The following F8 variants were observed in gnomAD, a reference collection of about 807,000 sequenced individuals.
F8 encodes the protein coagulation factor VIII, also known as antihemophilic factor.
In F8, 12 loss-of-function variants were observed where a neutral mutation model predicts 140.6. That is an observed-to-expected ratio of 0.09 (90% CI 0.05 to 0.14). The LOEUF (loss-of-function observed/expected upper bound fraction) is 0.14. F8 is among the 10% of genes least tolerant of loss of function. F8 has a pLI of 1.00. For missense variants in F8, 1,354 were observed against 1,720.7 expected, an observed-to-expected ratio of 0.79 and a Z score of 3.77; for synonymous variants, 585 against 614.6, an observed-to-expected ratio of 0.95 and a Z score of 0.71.
Position 154,912,934 on chromosome X carries a change from A to G in F8, c.5220-6361T>C, listed in dbSNP as rs1395526970. 5.4e-5 allele frequency among the ~76,000 whole-genome samples: 6 copies of G among 110,724 alleles called. No individual in the cohort carries two copies. In the East Asian group the frequency reaches 1.7e-3, roughly 32 times the overall value. ...ATCTCATGAAAACTTACTCACTGTC[A>G]TGAGAACAGCATGGGGGAACCTGCC... On this transcript the variant is annotated intron_variant, in intron 14 of 25. Coordinates refer to ENST00000360256, the MANE Select transcript of F8 (RefSeq NM_000132.4).
intron 12 of F8, among the ~76,000 whole-genome samples, chrX:154,952,855 T>C (rs1261440045): frequency 1.8e-5 from 2 of 112,245 alleles, no homozygotes; most frequent in Admixed American, 1.9e-4. Flanking sequence ...TCAGGATTTT[T>C]AGTTGCATCC....
chrX:154,842,200 T>C (rs1557271383), intron 25 of F8, among the ~76,000 whole-genome samples: 1 of 111,849 alleles, frequency 8.9e-6, no homozygotes, highest in Non-Finnish European at 1.9e-5. Context: ...TCTTTATTGA[T>C]GTCCAGTTTT....
At chrX:154,850,659 C>G (rs5987048) in intron 25 of F8, among the ~76,000 whole-genome samples, 3 of 110,413 alleles carry the variant, frequency 2.7e-5, no homozygotes, top group African/African-American at 9.9e-5. Context: ...TGTCCTCTTT[C>G]TATATCTTCA....
At chrX:154,852,587 G>T (rs1251146076) in intron 25 of F8, among the ~76,000 whole-genome samples, 1 of 111,390 alleles carries the variant, frequency 9.0e-6, no homozygotes, top group East Asian at 2.8e-4. Flanking sequence ...TGTAAGTACT[G>T]CCCTGTTTTG....
chrX:154,947,711 C>A lies in F8; in HGVS notation c.2100G>T (p.Ser700=). Residue 700 remains serine, a synonymous_variant, in exon 13 of 26, where the codon TCG becomes TCT. Coordinates refer to ENST00000360256, the MANE Select transcript of F8 (RefSeq NM_000132.4). ...ATAATAACTAACCTGGGTTTTCCAT[C>A]GACATGAAGACAGTTTCTCCTGAGA... The part of the protein sequence containing the change: ...FPFSGETVFM[S]MENPGLWILG... 1 of 1,209,362 alleles carries A rather than the reference C, an allele frequency of 8.3e-7. No individual in the cohort carries two copies. The highest frequency in any genetic ancestry group is 1.7e-5 in the African/African-American group (1 of 57,752).
intron 22 of F8, among the ~76,000 whole-genome samples, chrX:154,890,504 C>T (rs2072935760): frequency 8.9e-6 from 1 of 112,299 alleles, no homozygotes; most frequent in Non-Finnish European, 1.9e-5. Context: ...GAACTAGAAA[C>T]AGCTCTTTCA....
chrX:154,930,476 G>C lies in F8; in HGVS notation c.3314C>G (p.Pro1105Arg). 2.5e-6 allele frequency: 3 copies of C among 1,209,289 alleles called. No individual in the cohort carries two copies. The highest frequency in any genetic ancestry group is 1.8e-5 in the South Asian group (1 of 56,907). Residue 1105 changes from proline (P) to arginine (R), a missense_variant, in exon 14 of 26, where the codon CCA becomes CGA. Physicochemically the swap from Pro to Arg is moderately radical, Grantham distance 103. Transcript: ENST00000360256. ...CATATCTGGATTTTGTGCATCTGGT[G>C]GAATGGGGCCCTCTTTTTTCTGTTG... is the stretch of plus-strand genomic sequence containing the variant. Reference protein sequence around the residue: ...MVQQKKEGPIPPDAQNPDMSF... With the variant: ...MVQQKKEGPIRPDAQNPDMSF...
chrX:154,868,083 C>A (rs1413482920), intron 22 of F8, among the ~76,000 whole-genome samples: 1 of 111,902 alleles, frequency 8.9e-6, no homozygotes, highest in Admixed American at 9.4e-5. Flanking sequence ...GATATCATAA[C>A]CAAATGTGGA....
At chrX:154,992,853 C>G in intron 4 of F8, 83 bp downstream of exon 4, 1 of 952,323 alleles carries the variant, frequency 1.1e-6, no homozygotes, top group Non-Finnish European at 1.5e-6. Flanking sequence ...TGAAGGAACA[C>G]AAATGCTAAC....
intron 11 of F8, among the ~76,000 whole-genome samples, chrX:154,955,673 A>T (rs2073361632): frequency 9.0e-6 from 1 of 111,096 alleles, no homozygotes; most frequent in Non-Finnish European, 1.9e-5. Context: ...AAAACCAGCA[A>T]GTTTTTATTA....
intron 22 of F8, among the ~76,000 whole-genome samples, chrX:154,879,981 C>T (rs978720154): frequency 1.8e-5 from 2 of 111,894 alleles, no homozygotes; most frequent in Non-Finnish European, 3.8e-5. Context: ...TCCATTAAAC[C>T]TCTTTTCTTC....
At chrX:154,876,938 C>T (rs924786168) in intron 22 of F8, among the ~76,000 whole-genome samples, 2 of 111,618 alleles carry the variant, frequency 1.8e-5, no homozygotes, top group Non-Finnish European at 3.8e-5. Flanking sequence ...AGATAGGTCT[C>T]GTTATGTTTC....
intron 6 of F8, among the ~76,000 whole-genome samples, chrX:154,982,445 CAAAAA>C (rs782689011): frequency 1.7e-5 from 1 of 59,534 alleles, no homozygotes; most frequent in African/African-American, 6.2e-5. Flanking sequence ...GACTCCGTCT[CAAAAA>C]AAAAAAAAAA....
chrX:154,992,523 G>A (rs1384822664), intron 4 of F8, among the ~76,000 whole-genome samples: 1 of 111,882 alleles, frequency 8.9e-6, no homozygotes, highest in Non-Finnish European at 1.9e-5. Flanking sequence ...GTTTACAGAT[G>A]ACAAACTAAC....
intron 22 of F8, among the ~76,000 whole-genome samples, chrX:154,890,892 T>A (rs2148581782): frequency 8.9e-6 from 1 of 112,682 alleles, no homozygotes; most frequent in African/African-American, 3.2e-5. Context: ...CACTTTATTT[T>A]CAAGTTTAAT....
Position 154,983,917 on chromosome X carries a change from A to C in F8, c.787+770T>G, listed in dbSNP as rs74893232. On this transcript the variant is annotated intron_variant, in intron 6 of 25. Coordinates refer to ENST00000360256, the MANE Select transcript of F8 (RefSeq NM_000132.4). Reference sequence around the variant, plus strand: ...ACAGTCATGATGTTTTCTGTGGGTTAAGGCAAGGACAAATCTCCCCCCAGG... The same window carrying C: ...ACAGTCATGATGTTTTCTGTGGGTTCAGGCAAGGACAAATCTCCCCCCAGG... 4.5e-5 allele frequency among the ~76,000 whole-genome samples: 5 copies of C among 112,014 alleles called. No homozygotes were observed. The East Asian group carries it at 1.4e-3, about 31-fold the overall frequency.
chrX:154,987,170 C>A, intron 5 of F8, 67 bp downstream of exon 5: 1 of 848,182 alleles, frequency 1.2e-6, no homozygotes, highest in South Asian at 2.1e-5. Flanking sequence ...TTTCTATAAT[C>A]ACCTCCTCTT....
At chrX:154,904,737 T>C in intron 16 of F8, 74 bp downstream of exon 16, 3 of 938,383 alleles carry the variant, frequency 3.2e-6, no homozygotes. Flanking sequence ...GTAGGATAAA[T>C]ATCAAAATTC....
chrX:154,938,335 G>A (rs781815536), intron 13 of F8, among the ~76,000 whole-genome samples: 2 of 111,706 alleles, frequency 1.8e-5, no homozygotes, highest in African/African-American at 6.5e-5. Context: ...GTGCAATTCA[G>A]TGAGGAAATT....
Sources: allele counts gnomAD v4.1 joint callset (sites outside exome capture counted in the v4.1 genomes callset), GRCh38; gene constraint gnomAD v4.1.1; transcripts MANE v1.5; gene names NCBI Gene and HGNC (gene_info 2026-07-23, HGNC 2026-07-21).